The following PRRC2B variants were observed in gnomAD, a reference collection of about 807,000 sequenced individuals.
The protein encoded by PRRC2B is proline rich coiled-coil 2B, also known as protein PRRC2B.
In PRRC2B, 68 loss-of-function variants were observed where a neutral mutation model predicts 242.3. That is an observed-to-expected ratio of 0.28 (90% CI 0.23 to 0.34). PRRC2B has a LOEUF of 0.34. Ranked by LOEUF, PRRC2B falls within the 10% of genes least tolerant of loss-of-function variation. The pLI, the probability that PRRC2B is intolerant of heterozygous loss-of-function variation, is 1.00. For missense variants in PRRC2B, 2,835 were observed against 2,954.8 expected (o/e 0.96, Z 0.94); for synonymous variants, 1,228 against 1,173.6 (o/e 1.05, Z -0.95).
At chr9:131,416,954 C>T (rs116693893) in intron 1 of PRRC2B, among the ~76,000 whole-genome samples, 1 of 151,982 alleles carries the variant, frequency 6.6e-6, no homozygotes, top group Non-Finnish European at 1.5e-5. Flanking sequence ...TATTTTTAAT[C>T]TTTGATCTCT....
At chr9:131,489,851 C>T (rs1944135748) in intron 28 of PRRC2B, among the ~76,000 whole-genome samples, 1 of 152,130 alleles carries the variant, frequency 6.6e-6, no homozygotes, top group Non-Finnish European at 1.5e-5. Flanking sequence ...ATCCCGCCCC[C>T]CACACCCCTC....
At chr9:131,441,026 C>G (rs1163234114) in intron 5 of PRRC2B, among the ~76,000 whole-genome samples, 4 of 151,950 alleles carry the variant, frequency 2.6e-5, no homozygotes, top group African/African-American at 9.7e-5. Context: ...CACCTGAGCA[C>G]CAGAGGTGGA....
intron 1 of PRRC2B, among the ~76,000 whole-genome samples, chr9:131,420,505 T>TCC (rs1472671577): frequency 1.6e-4 from 6 of 37,076 alleles, no homozygotes; most frequent in African/African-American, 4.2e-4. Context: ...TTTTTTTTTT[T>TCC]TTTTTGAGAT....
Position 131,446,447 on chromosome 9 carries a change from C to T in PRRC2B, c.660C>T (p.Ala220=), listed in dbSNP as rs371842873. ...REGGGRHIIS[A]TSLSTSPTEL... ...GCGGTGGGCGACACATAATTTCTGC[C>T]ACGTCTCTGAGCACCTCCCCAACTG... is the stretch of plus-strand genomic sequence containing the variant. Residue 220 remains alanine (A), a synonymous_variant, in exon 7 of 32, where the codon GCC becomes GCT. Coordinates refer to ENST00000683519, the MANE Select transcript of PRRC2B (RefSeq NM_013318.4). The surrounding 1 kb of genome is among the most constrained non-coding windows in gnomAD (Gnocchi z 4.1). 6.2e-7 allele frequency: 1 copy of T among 1,613,710 alleles called. No homozygotes were observed.
rs1238226013 is a variant in PRRC2B at position 131,416,368 on chromosome 9, A to T, written c.-51-13726A>T. Among the ~76,000 whole-genome samples, 3 of 152,238 alleles carry T rather than the reference A, an allele frequency of 2.0e-5. No homozygotes were observed. The East Asian group carries it at 5.8e-4, about 29-fold the overall frequency. On this transcript the variant is annotated intron_variant, in intron 1 of 31. Transcript: ENST00000683519. ...ATGATCTGCCGCCTCGGCCTCCCAA[A>T]GTGTTGGGATTAACAGGTGTGAGCC...
At position 131,483,455 on chromosome 9, in the gene PRRC2B, C is replaced by T; in HGVS notation, c.5460+10C>T. 6.2e-7 allele frequency: 1 copy of T among 1,612,440 alleles called. No homozygotes were observed. The highest frequency in any genetic ancestry group is 1.1e-5 in the South Asian group (1 of 91,044). The stretch of plus-strand genomic sequence containing the variant: ...TGCCTTGGCCAGTAATGTAAGTCCA[C>T]ACTTCCACTTTTGGCTCCACTCACT... On this transcript the variant is annotated intron_variant, in intron 23 of 31. Coordinates refer to ENST00000683519, the MANE Select transcript of PRRC2B (RefSeq NM_013318.4).
In PRRC2B at chr9:131,463,507, G is replaced by T. The variant is rs573219433; in HGVS notation, c.1405-1256G>T. ...GTGACAGCTGTCCATCATTTGTCCTGTTGCCAGGTCTGCATGCTGCTTGAC... is the reference window on the plus strand; with the variant it reads ...GTGACAGCTGTCCATCATTTGTCCTTTTGCCAGGTCTGCATGCTGCTTGAC... On this transcript the variant is annotated intron_variant, in intron 11 of 31. Transcript: ENST00000683519. Among the ~76,000 whole-genome samples, 100 of 152,038 alleles carry T rather than the reference G, an allele frequency of 6.6e-4. 1 individual carries two copies. The South Asian group carries it at 0.011, about 16-fold the overall frequency.
chr9:131,436,478 C>T (rs552564496), intron 3 of PRRC2B, 142 bp from the exon 4 acceptor site: 3 of 587,368 alleles, frequency 5.1e-6, no homozygotes, highest in East Asian at 5.7e-5. Context: ...GCATAAGAAT[C>T]TACTGGGGAA....
chr9:131,482,821 G>C lies in PRRC2B; in HGVS notation c.5287G>C (p.Ala1763Pro). The C allele has an allele frequency of 6.2e-7, 1 of 1,609,340 alleles. No individual in the cohort carries two copies. Among genetic ancestry groups the C allele is most frequent in the Non-Finnish European group, 8.5e-7 (1 of 1,177,818 alleles). Residue 1763 changes from alanine to proline, a missense_variant, in exon 22 of 32, where the codon GCT (alanine) becomes CCT (proline). By Grantham distance (27) the Ala-to-Pro change is conservative. Transcript: ENST00000683519. This position sits in a 1 kb window ranked among gnomAD's most constrained non-coding sequence, Gnocchi z 5.2. ...GSEGAERLQG[A>P]VVPPVNGVEI... is the part of the protein sequence containing the mutation. ...GGAGGGGGCCGAGCGGCTGCAAGGG[G>C]CTGTCGTCCCGCCTGTTAACGGGGT... is the stretch of plus-strand genomic sequence containing the variant.
At chr9:131,385,970 G>GT (rs1836821772) in intron 1 of PRRC2B, among the ~76,000 whole-genome samples, 1 of 150,540 alleles carries the variant, frequency 6.6e-6, no homozygotes, top group Admixed American at 6.9e-5. Context: ...TGGGATTACA[G>GT]GCGTGAACCA....
At chr9:131,420,506 T>TCTTTTCTTTCTTTCTTTCTTTCTTCTTC (rs1005688310) in intron 1 of PRRC2B, among the ~76,000 whole-genome samples, 1 of 124,682 alleles carries the variant, frequency 8.0e-6, no homozygotes, top group African/African-American at 3.2e-5. Context: ...TTTTTTTTTT[T>TCTTTTCTTTCTTTCTTTCTTTCTTCTTC]TTTTGAGATG....
chr9:131,465,964 A>G (rs1396194548), intron 12 of PRRC2B, among the ~76,000 whole-genome samples: 1 of 152,210 alleles, frequency 6.6e-6, no homozygotes, highest in African/African-American at 2.4e-5. Flanking sequence ...GCCTCAAGTG[A>G]TCCACCTGGC....
intron 1 of PRRC2B, among the ~76,000 whole-genome samples, chr9:131,375,415 AT>A (rs1389317876): frequency 6.6e-6 from 1 of 152,108 alleles, no homozygotes; most frequent in Non-Finnish European, 1.5e-5. Context: ...AATAAAAAAA[AT>A]AAAAAAATAA....
At chr9:131,490,948 G>A (rs971079074) in intron 28 of PRRC2B, 17 of 272,402 alleles carry the variant, frequency 6.2e-5, no homozygotes, top group African/African-American at 3.1e-4. Context: ...ATCCTATGCC[G>A]CTCTGCATCC....
At chr9:131,385,198 G>A (rs1416929943) in intron 1 of PRRC2B, among the ~76,000 whole-genome samples, 3 of 148,920 alleles carry the variant, frequency 2.0e-5, no homozygotes, top group African/African-American at 2.4e-5. Flanking sequence ...GAAAACAGCC[G>A]GGCACTGTGG....
At chr9:131,419,144 T>TG (rs1837732820) in intron 1 of PRRC2B, among the ~76,000 whole-genome samples, 1 of 152,196 alleles carries the variant, frequency 6.6e-6, no homozygotes, top group Admixed American at 6.5e-5. Context: ...GTGACTGCAG[T>TG]AAATAGCTAC....
chr9:131,484,613 G>C lies in PRRC2B; in HGVS notation c.5461-73G>C. 2.5e-6 allele frequency: 3 copies of C among 1,210,734 alleles called. No individual in the cohort carries two copies. In the South Asian group the frequency reaches 4.2e-5, roughly 17 times the overall value. 75.0% of individuals were successfully genotyped at this position (1,210,734 alleles called of 1,614,324 possible). ...ACGAGCCTTGAGTGTGTTCAGGAGA[G>C]CCATGGATGGGTTTGGGCAAAGCCA... is the stretch of plus-strand genomic sequence containing the variant. On this transcript the variant is annotated intron_variant, in intron 23 of 31. Coordinates refer to ENST00000683519, the MANE Select transcript of PRRC2B (RefSeq NM_013318.4).
At chr9:131,404,558 C>T (rs1837314231) in intron 1 of PRRC2B, among the ~76,000 whole-genome samples, 1 of 150,330 alleles carries the variant, frequency 6.7e-6, no homozygotes, top group East Asian at 2.0e-4. Context: ...TCAAGTTGCT[C>T]AGGGAGGTAT....
At chr9:131,449,347 AC>A (rs1942840872) in intron 9 of PRRC2B, among the ~76,000 whole-genome samples, 3 of 151,710 alleles carry the variant, frequency 2.0e-5, no homozygotes, top group African/African-American at 7.2e-5. Flanking sequence ...TCTGGATCTT[AC>A]ATTTTGGTGT....
Sources: gnomAD v4.1 joint callset for allele counts (sites outside exome capture counted in the v4.1 genomes callset) on GRCh38, gnomAD v4.1.1 for gene constraint, Gnocchi (gnomAD v3.1) non-coding constraint, MANE v1.5 for transcripts, NCBI Gene and HGNC (gene_info 2026-07-23, HGNC 2026-07-21) for gene names.